Variants in KCNQ1 observed in about 807,000 individuals in gnomAD.
The protein encoded by KCNQ1 is potassium voltage-gated channel subfamily Q member 1.
In KCNQ1, 49 loss-of-function variants were observed where a neutral mutation model predicts 72.4. The observed-to-expected ratio is 0.68, with a 90% CI of 0.54 to 0.86. The LOEUF (loss-of-function observed/expected upper bound fraction) is 0.86, where lower values mean the gene tolerates loss of function less well. KCNQ1 is among the 40% of genes least tolerant of loss of function. The probability of loss-of-function intolerance (pLI) is 0.00; values close to 1 mark genes in which losing one functional copy is unlikely to be tolerated. For missense variants in KCNQ1, 790 were observed against 945.1 expected (o/e 0.84, Z 2.15); for synonymous variants, 450 against 412.6 (o/e 1.09, Z -1.10).
In KCNQ1 at chr11:2,599,006, T is replaced by C. The variant is rs1848766871; in HGVS notation, c.1393+10152T>C. On this transcript the variant is annotated intron_variant, in intron 10 of 15. Transcript: ENST00000155840. The surrounding 1 kb of genome is among the most constrained non-coding windows in gnomAD (Gnocchi z 4.7). Reference sequence around the variant, plus strand: ...TCTGAATAGGGGCTATTCTTTCTTTTAGTGTCCTTAATGTTGTATTACTTT... The same window carrying C: ...TCTGAATAGGGGCTATTCTTTCTTTCAGTGTCCTTAATGTTGTATTACTTT... Among the ~76,000 whole-genome samples the C allele has an allele frequency of 6.6e-6, 1 of 152,250 alleles. No homozygotes were observed. The highest frequency in any genetic ancestry group is 1.5e-5 in the Non-Finnish European group (1 of 68,040).
chr11:2,525,404 G>A (rs952851304), intron 1 of KCNQ1, among the ~76,000 whole-genome samples: 9 of 152,230 alleles, frequency 5.9e-5, no homozygotes, highest in Non-Finnish European at 7.3e-5. Context: ...CATCCACCGC[G>A]TGCTAGCGCT....
rs553997605 is a variant in KCNQ1 at position 2,714,937 on chromosome 11, A to G, written c.1514+52856A>G. Among the ~76,000 whole-genome samples, 13 of 149,110 alleles carry G rather than the reference A, an allele frequency of 8.7e-5. No individual in the cohort carries two copies. In the East Asian group the frequency reaches 2.8e-3, roughly 32 times the overall value. ...TCGTCAGTGTTACCTGGATACTCTAATGGGGGCACAAAGCCAGGGGGGAGC... is the reference window on the plus strand; with the variant it reads ...TCGTCAGTGTTACCTGGATACTCTAGTGGGGGCACAAAGCCAGGGGGGAGC... On this transcript the variant is annotated intron_variant, in intron 11 of 15. Coordinates refer to ENST00000155840, the MANE Select transcript of KCNQ1 (RefSeq NM_000218.3).
chr11:2,807,188 A>G lies in KCNQ1; in HGVS notation c.1794+29151A>G, dbSNP rs148706785. On this transcript the variant is annotated intron_variant, in intron 15 of 15. Transcript: ENST00000155840. ...AGGAAAGAAATGCAGGTTCATTATT[A>G]TAATGAGCTTTGGGCAAAATATTTC... Among the ~76,000 whole-genome samples, 6 of 152,358 alleles carry G rather than the reference A, an allele frequency of 3.9e-5. No individual in the cohort carries two copies. In the East Asian group the frequency reaches 9.6e-4, roughly 24 times the overall value.
chr11:2,717,244 G>T (rs1364953237), intron 11 of KCNQ1, among the ~76,000 whole-genome samples: 1 of 152,200 alleles, frequency 6.6e-6, no homozygotes. Context: ...GGTCACCTGG[G>T]CCATTTCAAA....
intron 12 of KCNQ1, chr11:2,771,480 C>G (rs533298335): frequency 1.3e-5 from 2 of 152,262 alleles, no homozygotes; most frequent in East Asian, 1.9e-4. Flanking sequence ...TTTGATGTGG[C>G]TGAACCAAGA....
Position 2,657,316 on chromosome 11 carries a change from C to T in KCNQ1, c.1394-4645C>T, listed in dbSNP as rs1038746923. The T allele has an allele frequency of 2.5e-6, 1 of 398,580 alleles. No individual in the cohort carries two copies. The highest frequency in any genetic ancestry group is 4.4e-6 in the Non-Finnish European group (1 of 226,054). 24.7% of individuals were successfully genotyped at this position (398,580 alleles called of 1,614,324 possible). ...TATTCAGATTTTGAGATAATCTTTT[C>T]AGTATTGAGTCTTCTAGTCATTGGA... On this transcript the variant is annotated intron_variant, in intron 10 of 15. Coordinates refer to ENST00000155840, the MANE Select transcript of KCNQ1 (RefSeq NM_000218.3). The surrounding 1 kb of genome is among the most constrained non-coding windows in gnomAD (Gnocchi z 4.8).
chr11:2,579,796 G>A lies in KCNQ1; in HGVS notation c.922-3639G>A, dbSNP rs1023559198. On this transcript the variant is annotated intron_variant, in intron 6 of 15. Transcript: ENST00000155840. The surrounding 1 kb of genome is among the most constrained non-coding windows in gnomAD (Gnocchi z 6.0). The stretch of plus-strand genomic sequence containing the variant: ...ACCCAGCCAGCCAGCAGGAGCCCAC[G>A]TGCACCCAGCTCAGCCCCAGGAGGT... 3.3e-5 allele frequency among the ~76,000 whole-genome samples: 5 copies of A among 152,006 alleles called. No homozygotes were observed. The highest frequency in any genetic ancestry group is 6.5e-5 in the Admixed American group (1 of 15,270).
intron 11 of KCNQ1, among the ~76,000 whole-genome samples, chr11:2,732,150 C>T (rs910658967): frequency 5.3e-5 from 8 of 152,210 alleles, no homozygotes; most frequent in Non-Finnish European, 8.8e-5. Flanking sequence ...TGCTCTGAAG[C>T]GGGGCTGCGG....
intron 15 of KCNQ1, among the ~76,000 whole-genome samples, chr11:2,820,918 C>A (rs1034211214): frequency 6.6e-6 from 1 of 152,242 alleles, no homozygotes; most frequent in African/African-American, 2.4e-5. Context: ...GGAGTGCCTA[C>A]ACCCCACCTC....
chr11:2,803,894 A>G lies in KCNQ1; in HGVS notation c.1794+25857A>G, dbSNP rs1201954912. ...CAGGACACCCCACACCAGCCATTGGATGGGGCCGCCTCTGCCACCTGCTCC... is the reference window on the plus strand; with the variant it reads ...CAGGACACCCCACACCAGCCATTGGGTGGGGCCGCCTCTGCCACCTGCTCC... On this transcript the variant is annotated intron_variant, in intron 15 of 15. Transcript: ENST00000155840. The surrounding 1 kb of genome is among the most constrained non-coding windows in gnomAD (Gnocchi z 6.4). Among the ~76,000 whole-genome samples, 1 of 151,870 alleles carries G rather than the reference A, an allele frequency of 6.6e-6. No homozygotes were observed. Among genetic ancestry groups the G allele is most frequent in the Non-Finnish European group, 1.5e-5 (1 of 67,988 alleles).
At chr11:2,500,261 A>G (rs1285074916) in intron 1 of KCNQ1, among the ~76,000 whole-genome samples, 9 of 152,248 alleles carry the variant, frequency 5.9e-5, no homozygotes, top group Non-Finnish European at 1.5e-5. Context: ...GCAGCCAAAA[A>G]ACATATGAAA....
In KCNQ1 at chr11:2,768,783, A is replaced by T; in HGVS notation, c.1515-61A>T. ...CGTGCTCCTCAGGCAGTGCAGGGGC[A>T]GTGAGGGGATGACCAGCACAGGGTG... On this transcript the variant is annotated intron_variant, in intron 11 of 15. Coordinates refer to ENST00000155840, the MANE Select transcript of KCNQ1 (RefSeq NM_000218.3). The surrounding 1 kb of genome is among the most constrained non-coding windows in gnomAD (Gnocchi z 6.7). The T allele has an allele frequency of 2.4e-6, 3 of 1,266,588 alleles. No individual in the cohort carries two copies. The highest frequency in any genetic ancestry group is 3.5e-6 in the Non-Finnish European group (3 of 862,870). 78.5% of individuals were successfully genotyped at this position (1,266,588 alleles called of 1,614,324 possible). A position where few individuals can be genotyped will look rare whatever the true frequency, so the allele number is the denominator to read the frequency against.
At position 2,752,444 on chromosome 11, in the gene KCNQ1, T is replaced by A. The variant is rs988012542; in HGVS notation, c.1515-16400T>A. On this transcript the variant is annotated intron_variant, in intron 11 of 15. Coordinates refer to ENST00000155840, the MANE Select transcript of KCNQ1 (RefSeq NM_000218.3). The surrounding 1 kb of genome is among the most constrained non-coding windows in gnomAD (Gnocchi z 5.2). Reference sequence around the variant, plus strand: ...ATGGGATACCTAGTGTCTTAATCTGTTCAGTCTGCTATAACCAAATACCTT... The same window carrying A: ...ATGGGATACCTAGTGTCTTAATCTGATCAGTCTGCTATAACCAAATACCTT... Among the ~76,000 whole-genome samples, 2 of 152,136 alleles carry A rather than the reference T, an allele frequency of 1.3e-5. No homozygotes were observed. Among genetic ancestry groups the A allele is most frequent in the Admixed American group, 1.3e-4 (2 of 15,282 alleles).
intron 1 of KCNQ1, among the ~76,000 whole-genome samples, chr11:2,453,913 T>C (rs2133571307): frequency 6.6e-6 from 1 of 152,294 alleles, no homozygotes; most frequent in Admixed American, 6.5e-5. Context: ...AGATCTCTCT[T>C]ATTATGAAGT....
In KCNQ1 at chr11:2,663,158, GC is replaced by G. The variant is rs751194925; in HGVS notation, c.1514+1084del. The G allele has an allele frequency of 9.3e-5, 37 of 398,644 alleles. No individual in the cohort carries two copies. The highest frequency in any genetic ancestry group is 4.5e-4 in the African/African-American group (22 of 48,726). The allele number at this position is 398,644 out of a possible 1,614,324, so 24.7% of individuals were successfully genotyped here. A position where few individuals can be genotyped will look rare whatever the true frequency, so the allele number is the denominator to read the frequency against. Reference sequence around the variant, plus strand: ...CAGGACCTGCCCACTGTCTTTCCAGGCCCCCCCAGTTCACAGAGAGGTTGGC... The same window carrying G: ...CAGGACCTGCCCACTGTCTTTCCAGGCCCCCCAGTTCACAGAGAGGTTGGC... On this transcript the variant is annotated intron_variant, in intron 11 of 15. Coordinates refer to ENST00000155840, the MANE Select transcript of KCNQ1 (RefSeq NM_000218.3). This position sits in a 1 kb window ranked among gnomAD's most constrained non-coding sequence, Gnocchi z 5.2.
chr11:2,775,923 A>G (rs1846686053), intron 12 of KCNQ1, 37 bp from the exon 13 acceptor site: 1 of 1,544,622 alleles, frequency 6.5e-7, no homozygotes, highest in African/African-American at 1.4e-5. Flanking sequence ...GCTGGGGCAC[A>G]GGGAGGAGAA....
intron 11 of KCNQ1, chr11:2,667,349 T>C: frequency 2.5e-6 from 1 of 398,698 alleles, no homozygotes; most frequent in Non-Finnish European, 4.4e-6. Context: ...TCATTTCCTC[T>C]GCAAGGGAAA....
At chr11:2,454,275 A>G (rs1359460272) in intron 1 of KCNQ1, among the ~76,000 whole-genome samples, 1 of 152,184 alleles carries the variant, frequency 6.6e-6, no homozygotes, top group East Asian at 1.9e-4. Context: ...ACCTGGTTTT[A>G]TAGATTTCAC....
At chr11:2,840,757 G>C (rs560096225) in intron 15 of KCNQ1, among the ~76,000 whole-genome samples, 5 of 152,284 alleles carry the variant, frequency 3.3e-5, no homozygotes, top group African/African-American at 1.2e-4. Flanking sequence ...TCTTAACATA[G>C]AGTCCTTACA....
Sources: allele counts gnomAD v4.1 joint callset (sites outside exome capture counted in the v4.1 genomes callset), GRCh38; gene constraint gnomAD v4.1.1; non-coding constraint Gnocchi (gnomAD v3.1); transcripts MANE v1.5; gene names NCBI Gene and HGNC (gene_info 2026-07-23, HGNC 2026-07-21).